The following DYNC2H1 variants were observed in gnomAD, a reference collection of about 807,000 sequenced individuals.
DYNC2H1 encodes the protein cytoplasmic dynein 2 heavy chain 1.
In DYNC2H1, 410 loss-of-function variants were observed where a neutral mutation model predicts 570.0. That is an observed-to-expected ratio of 0.72 (90% CI 0.66 to 0.78). The LOEUF (loss-of-function observed/expected upper bound fraction) is 0.78, where lower values mean the gene tolerates loss of function less well. Ranked by LOEUF, DYNC2H1 falls within the 30% of genes least tolerant of loss-of-function variation. The pLI is 0.00. For synonymous variants in DYNC2H1, 1,688 were observed against 1,677.6 expected (o/e 1.01, Z -0.15); for missense variants, 4,865 against 5,046.4 (o/e 0.96, Z 1.09).
At chr11:103,350,165 G>A (rs1479166564) in intron 82 of DYNC2H1, among the ~76,000 whole-genome samples, 1 of 151,896 alleles carries the variant, frequency 6.6e-6, no homozygotes, top group African/African-American at 2.4e-5. Flanking sequence ...ACTATTAAGG[G>A]GTGATGAGAA....
chr11:103,281,384 A>G (rs185642553), intron 71 of DYNC2H1, among the ~76,000 whole-genome samples: 1 of 152,100 alleles, frequency 6.6e-6, no homozygotes, highest in African/African-American at 2.4e-5. Context: ...TTTCTCTCCT[A>G]AAGTATAAAC....
intron 87 of DYNC2H1, among the ~76,000 whole-genome samples, chr11:103,466,211 A>C (rs71480491): frequency 0.036 from 5,428 of 152,252 alleles, 303 homozygotes; most frequent in East Asian, 0.24. Context: ...TTTGATAAAT[A>C]ATTCTGAAAC....
At chr11:103,122,774 A>G in intron 10 of DYNC2H1, 51 bp from the exon 11 acceptor site, 4 of 1,533,228 alleles carry the variant, frequency 2.6e-6, no homozygotes, top group Admixed American at 1.9e-5. Context: ...ACTTTATGCT[A>G]ATTTTTTTGG....
chr11:103,356,144 A>T (rs1337651983), intron 82 of DYNC2H1, among the ~76,000 whole-genome samples: 1 of 152,208 alleles, frequency 6.6e-6, no homozygotes, highest in African/African-American at 2.4e-5. Flanking sequence ...ATACCATTTT[A>T]AAGTAGTATT....
In DYNC2H1 at chr11:103,181,796, G is replaced by A. The variant is rs1332318318; in HGVS notation, c.6387G>A (p.Trp2129Ter). 1 of 1,576,168 alleles carries A rather than the reference G, an allele frequency of 6.3e-7. No individual in the cohort carries two copies. Among genetic ancestry groups the A allele is most frequent in the Non-Finnish European group, 8.6e-7 (1 of 1,158,896 alleles). Residue 2129 changes from tryptophan (W) to a stop codon, truncating the protein, a stop_gained, in exon 40 of 89, where the codon TGG becomes TGA. Coordinates refer to ENST00000375735, the MANE Select transcript of DYNC2H1 (RefSeq NM_001377.3). LOFTEE classifies it high-confidence loss of function. This position sits in a 1 kb window ranked among gnomAD's most constrained non-coding sequence, Gnocchi z 5.0. ...ETDLNSLIKS[W>*]LRNQPAEYRN... ...ATCTTAATTCTCTGATAAAATCTTGGTTGAGGAATCAGCCTGCTGAATATA... is the reference window on the plus strand; with the variant it reads ...ATCTTAATTCTCTGATAAAATCTTGATTGAGGAATCAGCCTGCTGAATATA...
intron 8 of DYNC2H1, 44 bp from the exon 9 acceptor site, chr11:103,120,881 T>C (rs915913374): frequency 2.5e-6 from 3 of 1,219,708 alleles, no homozygotes; most frequent in Non-Finnish European, 3.2e-6. Flanking sequence ...ATTTACTGAG[T>C]TGATCCGTTG....
At chr11:103,161,361 G>A (rs1861085188) in intron 29 of DYNC2H1, among the ~76,000 whole-genome samples, 1 of 152,050 alleles carries the variant, frequency 6.6e-6, no homozygotes, top group Non-Finnish European at 1.5e-5. Flanking sequence ...TTTCTAATCA[G>A]TAAAATGGTA....
rs1858019823 is a variant in DYNC2H1 at position 103,109,762 on chromosome 11, C to T, written c.188C>T (p.Ser63Phe). The T allele has an allele frequency of 6.2e-7, 1 of 1,613,146 alleles. No individual in the cohort carries two copies. Among genetic ancestry groups the T allele is most frequent in the Non-Finnish European group, 8.5e-7 (1 of 1,179,526 alleles). Residue 63 changes from serine to phenylalanine, a missense_variant, in exon 1 of 89, where the codon TCC (serine) becomes TTC (phenylalanine). Around this residue, in one of 5 missense-constraint regions of DYNC2H1, gnomAD observed 1,936 missense variants for 1,962.1 expected, o/e 0.99. Coordinates refer to ENST00000375735, the MANE Select transcript of DYNC2H1 (RefSeq NM_001377.3). ...CGATCCGACGCAGGAATCTCCTTTT[C>T]CAACACGGTACGGTTCCTTGCACTC... Reference protein sequence around the residue: ...VQRSDAGISFSNTIEFGDTKD... With the variant: ...VQRSDAGISFFNTIEFGDTKD...
At position 103,114,325 on chromosome 11, in the gene DYNC2H1, C is replaced by T. The variant is rs932897675; in HGVS notation, c.502+87C>T. The T allele has an allele frequency of 4.4e-6, 6 of 1,372,634 alleles. No individual in the cohort carries two copies. The East Asian group carries it at 1.3e-4, about 31-fold the overall frequency. 85.0% of individuals were successfully genotyped at this position (1,372,634 alleles called of 1,614,324 possible). On this transcript the variant is annotated intron_variant, in intron 3 of 88. Transcript: ENST00000375735. ...AATGAACATATTTCTTCATAGATTT[C>T]TTCAAATACTTTTGGAATTTCTCTG...
In DYNC2H1 at chr11:103,168,951, T is replaced by A; in HGVS notation, c.4959T>A (p.Tyr1653Ter). The change falls in exon 32 of 89, where the codon TAT becomes TAA. Residue 1653 changes from tyrosine (Y) to a stop codon, truncating the protein, a stop_gained. Coordinates refer to ENST00000375735, the MANE Select transcript of DYNC2H1 (RefSeq NM_001377.3). LOFTEE classifies it high-confidence loss of function. Reference protein sequence around the residue: ...QMVDSEFQYTYEYQGNASKLV... With the variant: ...QMVDSEFQYT ...TGGATTCTGAATTTCAGTATACTTA[T>A]GAATATCAGGTATGAGTTGTGGCAG... The A allele has an allele frequency of 1.9e-6, 3 of 1,609,966 alleles. No homozygotes were observed. The highest frequency in any genetic ancestry group is 2.5e-6 in the Non-Finnish European group (3 of 1,178,588).
intron 85 of DYNC2H1, among the ~76,000 whole-genome samples, chr11:103,451,189 A>G (rs781622807): frequency 2.6e-5 from 4 of 152,004 alleles, no homozygotes; most frequent in Non-Finnish European, 5.9e-5. Flanking sequence ...ATGTAGTGCT[A>G]TGCCATAATT....
chr11:103,136,141 ATTTT>A (rs898152583), intron 17 of DYNC2H1, among the ~76,000 whole-genome samples, 193 bp downstream of exon 17: 2 of 146,370 alleles, frequency 1.4e-5, no homozygotes, highest in Non-Finnish European at 3.0e-5. Flanking sequence ...TATGGGAAAG[ATTTT>A]TTTTTTGTCT....
chr11:103,308,133 T>A (rs562210903), intron 78 of DYNC2H1, among the ~76,000 whole-genome samples: 2 of 152,278 alleles, frequency 1.3e-5, no homozygotes, highest in East Asian at 3.9e-4. Context: ...TCTGTAGAAC[T>A]TTTTTTATCT....
rs541990464 is a variant in DYNC2H1, at chr11:103,242,870, G to A, written c.9820-823G>A. 2.6e-4 allele frequency among the ~76,000 whole-genome samples: 40 copies of A among 152,030 alleles called. No individual in the cohort carries two copies. The South Asian group carries it at 7.5e-3, about 29-fold the overall frequency. ...CAAGTAGCTGGGACTACAAGCGCCC[G>A]CCACCACGCCTGGCTAATTTTTGTA... On this transcript the variant is annotated intron_variant, in intron 63 of 88. Transcript: ENST00000375735.
chr11:103,415,607 C>G (rs1943253892), intron 84 of DYNC2H1, among the ~76,000 whole-genome samples: 2 of 152,280 alleles, frequency 1.3e-5, no homozygotes, highest in Non-Finnish European at 2.9e-5. Flanking sequence ...GAGATACCAT[C>G]TCATGCCAGT....
At chr11:103,193,257 T>C (rs1230515801) in intron 47 of DYNC2H1, among the ~76,000 whole-genome samples, 1 of 152,182 alleles carries the variant, frequency 6.6e-6, no homozygotes, top group Non-Finnish European at 1.5e-5. Context: ...AGTGAGGGTT[T>C]ATGTCATTAT....
At position 103,280,611 on chromosome 11, in the gene DYNC2H1, G is replaced by C. The variant is rs1866091907; in HGVS notation, c.10761+198G>C. Among the ~76,000 whole-genome samples the C allele has an allele frequency of 6.6e-6, 1 of 152,074 alleles. No homozygotes were observed. Among genetic ancestry groups the C allele is most frequent in the Non-Finnish European group, 1.5e-5 (1 of 67,982 alleles). On this transcript the variant is annotated intron_variant, in intron 71 of 88. Transcript: ENST00000375735. The surrounding 1 kb of genome is among the most constrained non-coding windows in gnomAD (Gnocchi z 4.7). ...GATGAGCCTAACATTCCAGAGTGAT[G>C]GTAAAGCAGGGAAAGAAATCTACAA... is the stretch of plus-strand genomic sequence containing the variant.
At chr11:103,281,716 CA>C (rs71066145) in intron 71 of DYNC2H1, among the ~76,000 whole-genome samples, 18,928 of 128,806 alleles carry the variant, frequency 0.15, 1,132 homozygotes, top group African/African-American at 0.17. Flanking sequence ...AATTCTATGG[CA>C]AAAAAAAAAA....
At position 103,431,570 on chromosome 11, in the gene DYNC2H1, TTATTA is replaced by T. The variant is rs1164785864; in HGVS notation, c.12367-4367_12367-4363del. Among the ~76,000 whole-genome samples the T allele has an allele frequency of 5.3e-5, 8 of 152,170 alleles. No individual in the cohort carries two copies. In the East Asian group the frequency reaches 9.6e-4, roughly 18 times the overall value. ...GCAGTTTTGGACCATGAATTTTAAG[TTATTA>T]TATTAATAACTAGGCTCAAAGACAT... On this transcript the variant is annotated intron_variant, in intron 84 of 88. Coordinates refer to ENST00000375735, the MANE Select transcript of DYNC2H1 (RefSeq NM_001377.3).
Sources: gnomAD v4.1 joint callset for allele counts (sites outside exome capture counted in the v4.1 genomes callset) on GRCh38, gnomAD v4.1.1 for gene constraint, gnomAD v4.1.1 regional missense constraint, Gnocchi (gnomAD v3.1) non-coding constraint, MANE v1.5 for transcripts, NCBI Gene and HGNC (gene_info 2026-07-23, HGNC 2026-07-21) for gene names.